RBFOX2: variants seen among roughly 807,000 people sequenced by gnomAD.
RBFOX2 encodes the protein RNA binding protein fox-1 homolog 2.
RBFOX2 carries 10 observed loss-of-function variants against 49.1 expected under a neutral mutation model. The ratio of observed to expected loss-of-function variants is 0.20; its 90% confidence interval spans 0.13 to 0.35. The LOEUF (loss-of-function observed/expected upper bound fraction) is 0.35. RBFOX2 is among the 10% of genes least tolerant of loss of function. The pLI is 1.00. For missense variants in RBFOX2, 323 were observed against 486.9 expected (o/e 0.66, Z 3.17); for synonymous variants, 183 against 187.4 (o/e 0.98, Z 0.19).
intron 1 of RBFOX2, among the ~76,000 whole-genome samples, chr22:35,899,928 C>T (rs1050392870): frequency 5.9e-5 from 9 of 152,308 alleles, no homozygotes; most frequent in African/African-American, 2.2e-4. Flanking sequence ...GGCATGCTTG[C>T]TTCTGAGAAA....
At chr22:35,989,181 A>G (rs2057855920) in intron 1 of RBFOX2, among the ~76,000 whole-genome samples, 1 of 152,248 alleles carries the variant, frequency 6.6e-6, no homozygotes, top group Non-Finnish European at 1.5e-5. Context: ...GGAAGTTGTC[A>G]GCATATAGAT....
upstream of RBFOX2, among the ~76,000 whole-genome samples, chr22:35,943,337 A>C (rs2053901829): frequency 6.6e-6 from 1 of 152,258 alleles, no homozygotes; most frequent in African/African-American, 2.4e-5. Flanking sequence ...GACAAGATGG[A>C]AATCAGATGT....
intron 1 of RBFOX2, among the ~76,000 whole-genome samples, chr22:36,005,171 G>C (rs967287476): frequency 3.3e-5 from 5 of 152,150 alleles, no homozygotes; most frequent in African/African-American, 1.2e-4. Context: ...TCTAATTCAA[G>C]ATTTTATTCT....
At chr22:35,962,869 G>A (rs751651669), upstream of RBFOX2, among the ~76,000 whole-genome samples, 2 of 151,788 alleles carry the variant, frequency 1.3e-5, no homozygotes, top group Admixed American at 6.6e-5. Flanking sequence ...CTGAATCAAC[G>A]CAGTGGCTAT....
chr22:35,780,927 G>A (rs899743527), intron 3 of RBFOX2, among the ~76,000 whole-genome samples: 26 of 152,240 alleles, frequency 1.7e-4, no homozygotes, highest in African/African-American at 1.9e-4. Flanking sequence ...TGGCAATAAC[G>A]CATCCCTGAA....
At chr22:35,740,195 CCTA>C (rs1340390276) in exon 12 of RBFOX2, 1 of 152,406 alleles carries the variant, frequency 6.6e-6, no homozygotes, top group Non-Finnish European at 1.5e-5. Flanking sequence ...ACACCCAGAG[CCTA>C]CTTGGAAAGG....
At chr22:35,915,466 T>C (rs1204340958) in intron 1 of RBFOX2, among the ~76,000 whole-genome samples, 2 of 152,230 alleles carry the variant, frequency 1.3e-5, no homozygotes, top group Non-Finnish European at 2.9e-5. Flanking sequence ...CAAAGCTATG[T>C]ACAAAATACT....
rs532593171 is a variant in RBFOX2, at chr22:36,027,727, A to C, written c.186+513T>G. Among the ~76,000 whole-genome samples, 4 of 152,038 alleles carry C rather than the reference A, an allele frequency of 2.6e-5. 1 individual carries two copies. The highest frequency in any genetic ancestry group is 6.5e-5 in the Admixed American group (1 of 15,274). On this transcript the variant is annotated intron_variant, in intron 1 of 13. Coordinates refer to the RBFOX2 transcript ENST00000438146. Reference sequence around the variant, plus strand: ...CACACTCTGTGTGATTTAACCCACAATCTCAGCCACATCCCCTCGGGGCTC... The same window carrying C: ...CACACTCTGTGTGATTTAACCCACACTCTCAGCCACATCCCCTCGGGGCTC...
chr22:35,899,970 G>A (rs2048369151), intron 1 of RBFOX2, among the ~76,000 whole-genome samples: 1 of 152,112 alleles, frequency 6.6e-6, no homozygotes, highest in Non-Finnish European at 1.5e-5. Context: ...CAGCAATATG[G>A]GTATTGCCAA....
chr22:35,789,334 C>T (rs931867625), intron 2 of RBFOX2, among the ~76,000 whole-genome samples: 4 of 151,942 alleles, frequency 2.6e-5, no homozygotes, highest in Admixed American at 6.6e-5. Context: ...CCTGAGGTCA[C>T]GAGTTCAAGA....
At chr22:35,843,320 C>T (rs931413107), upstream of RBFOX2, among the ~76,000 whole-genome samples, 9 of 152,168 alleles carry the variant, frequency 5.9e-5, no homozygotes, top group African/African-American at 2.2e-4. Flanking sequence ...GAAGGAGGCC[C>T]TGCCTTCTCC....
chr22:36,001,229 ACACAC>A (rs1376080538), intron 1 of RBFOX2, among the ~76,000 whole-genome samples: 48 of 113,918 alleles, frequency 4.2e-4, no homozygotes, highest in African/African-American at 1.5e-3. Flanking sequence ...ACACACACAC[ACACAC>A]TATATGTATA....
upstream of RBFOX2, chr22:35,939,182 G>A (rs1301223695): frequency 1.4e-5 from 8 of 591,214 alleles, no homozygotes; most frequent in Non-Finnish European, 2.2e-5. Context: ...GTGCTACTGC[G>A]ACTGGGGTCA....
intron 1 of RBFOX2, among the ~76,000 whole-genome samples, chr22:35,839,946 C>A (rs986065847): frequency 2.0e-5 from 3 of 152,140 alleles, no homozygotes; most frequent in African/African-American, 7.2e-5. Flanking sequence ...TCCTGAGCTA[C>A]AGCTGCACAG....
exon 1 of RBFOX2, chr22:35,840,263 G>T (rs1392226828): frequency 1.2e-6 from 2 of 1,613,980 alleles, no homozygotes; most frequent in Middle Eastern, 1.6e-4. Context: ...AGCCGTGCTG[G>T]GGCACACCTC....
chr22:35,980,395 C>A (rs1388831794), intron 1 of RBFOX2, among the ~76,000 whole-genome samples: 2 of 152,274 alleles, frequency 1.3e-5, no homozygotes, highest in East Asian at 1.9e-4. Flanking sequence ...GAGATTAGAA[C>A]TATTTGGCCC....
upstream of RBFOX2, among the ~76,000 whole-genome samples, chr22:35,963,944 C>T (rs1235437082): frequency 6.6e-6 from 1 of 152,134 alleles, no homozygotes; most frequent in African/African-American, 2.4e-5. Context: ...TGGGGTTACA[C>T]CATATTGGCC....
intron 1 of RBFOX2, among the ~76,000 whole-genome samples, chr22:35,826,875 GCCT>G (rs1366120494): frequency 3.3e-5 from 5 of 152,128 alleles, no homozygotes; most frequent in African/African-American, 1.2e-4. Flanking sequence ...CGTGAATGTG[GCCT>G]CCTTCTCGCT....
chr22:35,744,004 G>A, exon 12 of RBFOX2: 1 of 443,658 alleles, frequency 2.3e-6, no homozygotes, highest in Middle Eastern at 5.6e-4. Context: ...AGAATTAAAG[G>A]CAGAAATTTA....
Sources: allele counts gnomAD v4.1 joint callset (sites outside exome capture counted in the v4.1 genomes callset), GRCh38; gene constraint gnomAD v4.1.1; transcripts MANE v1.5; gene names NCBI Gene and HGNC (gene_info 2026-07-23, HGNC 2026-07-21).